Variants in CDKAL1 observed in about 807,000 individuals in gnomAD.
The protein encoded by CDKAL1 is CDKAL1 threonylcarbamoyladenosine tRNA methylthiotransferase.
In CDKAL1, 32 loss-of-function variants were observed where a neutral mutation model predicts 68.2. The observed-to-expected ratio is 0.47, with a 90% confidence interval of 0.35 to 0.63. CDKAL1 has a LOEUF of 0.63. Ranked by LOEUF, CDKAL1 falls within the 30% of genes least tolerant of loss-of-function variation. The pLI is 0.00. For missense variants in CDKAL1, 606 were observed against 696.7 expected (o/e 0.87, Z 1.47); for synonymous variants, 234 against 244.3 (o/e 0.96, Z 0.39).
chr6:21,120,788 T>C (rs772063428), intron 13 of CDKAL1, among the ~76,000 whole-genome samples: 52 of 152,206 alleles, frequency 3.4e-4, no homozygotes, highest in Non-Finnish European at 7.1e-4. Flanking sequence ...CCTCATTCTT[T>C]TTTAAAAAAA....
chr6:21,201,009 G>A (rs2151109017), intron 14 of CDKAL1, 101 bp from the exon 15 acceptor site: 1 of 1,053,064 alleles, frequency 9.5e-7, no homozygotes, highest in Non-Finnish European at 1.4e-6. Context: ...GTATACAGGA[G>A]CTCTCCATAC....
At chr6:20,957,193 A>G (rs942708091) in intron 10 of CDKAL1, among the ~76,000 whole-genome samples, 5 of 152,100 alleles carry the variant, frequency 3.3e-5, no homozygotes, top group Non-Finnish European at 7.4e-5. Flanking sequence ...GGATTGGAAA[A>G]GATCTGATCA....
intron 13 of CDKAL1, among the ~76,000 whole-genome samples, chr6:21,158,218 T>A (rs1323245931): frequency 6.6e-6 from 1 of 152,210 alleles, no homozygotes; most frequent in Non-Finnish European, 1.5e-5. Flanking sequence ...GGAGGTTTCT[T>A]TTTTCTGCTT....
intron 4 of CDKAL1, among the ~76,000 whole-genome samples, chr6:20,613,359 C>A (rs1429663663): frequency 7.4e-6 from 1 of 135,778 alleles, no homozygotes; most frequent in African/African-American, 2.7e-5. Flanking sequence ...ACTGCAACCT[C>A]CGCCTTCCAG....
intron 13 of CDKAL1, among the ~76,000 whole-genome samples, chr6:21,150,676 A>G (rs1776375073): frequency 6.6e-6 from 1 of 152,350 alleles, no homozygotes; most frequent in South Asian, 2.1e-4. Flanking sequence ...ATGGCTTCAT[A>G]TAATTCCCAT....
chr6:21,205,418 A>G (rs1007220668), intron 15 of CDKAL1, among the ~76,000 whole-genome samples: 7 of 152,202 alleles, frequency 4.6e-5, no homozygotes, highest in Non-Finnish European at 8.8e-5. Context: ...ATTTCCACCA[A>G]TAGTGCACAA....
At chr6:20,896,027 A>G (rs935181715) in intron 9 of CDKAL1, among the ~76,000 whole-genome samples, 1 of 152,120 alleles carries the variant, frequency 6.6e-6, no homozygotes, top group Non-Finnish European at 1.5e-5. Flanking sequence ...CTGAAAGGGA[A>G]CACTGACAGA....
chr6:21,179,134 T>G (rs1777695044), intron 13 of CDKAL1, among the ~76,000 whole-genome samples: 2 of 152,264 alleles, frequency 1.3e-5, no homozygotes, highest in Admixed American at 1.3e-4. Flanking sequence ...GCTTTTATGC[T>G]GTCACCTCTT....
intron 4 of CDKAL1, among the ~76,000 whole-genome samples, chr6:20,616,316 A>G (rs1313153934): frequency 6.7e-6 from 1 of 150,082 alleles, no homozygotes; most frequent in Non-Finnish European, 1.5e-5. Flanking sequence ...AATTCTGTGA[A>G]GAAAGTCACT....
chr6:20,857,742 T>C (rs977288048), intron 9 of CDKAL1, among the ~76,000 whole-genome samples: 2 of 152,162 alleles, frequency 1.3e-5, no homozygotes, highest in East Asian at 3.8e-4. Flanking sequence ...GTAAAGAGGA[T>C]TGGGGAAGAA....
At chr6:20,638,366 T>C (rs1278457724) in intron 4 of CDKAL1, among the ~76,000 whole-genome samples, 1 of 152,206 alleles carries the variant, frequency 6.6e-6, no homozygotes, top group African/African-American at 2.4e-5. Flanking sequence ...TCAGTTCATA[T>C]TTGTTGCCCG....
intron 12 of CDKAL1, among the ~76,000 whole-genome samples, chr6:21,079,030 G>C (rs1315986623): frequency 6.6e-6 from 1 of 152,134 alleles, no homozygotes; most frequent in African/African-American, 2.4e-5. Context: ...TGTGAGAAGT[G>C]GGGGGTGCCT....
intron 9 of CDKAL1, among the ~76,000 whole-genome samples, chr6:20,883,981 C>A (rs1407733626): frequency 2.0e-5 from 3 of 152,062 alleles, no homozygotes; most frequent in African/African-American, 7.2e-5. Flanking sequence ...CTAACTCATT[C>A]TCTGAGGTCA....
At chr6:20,973,230 T>C (rs1765678713) in intron 10 of CDKAL1, among the ~76,000 whole-genome samples, 1 of 152,212 alleles carries the variant, frequency 6.6e-6, no homozygotes, top group Non-Finnish European at 1.5e-5. Context: ...ATAATTATTA[T>C]CATTGTTACT....
At chr6:20,608,766 A>G (rs1179869773) in intron 4 of CDKAL1, among the ~76,000 whole-genome samples, 1 of 152,110 alleles carries the variant, frequency 6.6e-6, no homozygotes. Context: ...ATCTTTCTCT[A>G]CTCTTAGCAA....
chr6:21,019,510 C>T (rs980542271), intron 11 of CDKAL1, among the ~76,000 whole-genome samples: 3 of 152,028 alleles, frequency 2.0e-5, no homozygotes, highest in Non-Finnish European at 2.9e-5. Context: ...TTTTGTCTTG[C>T]ATTAAAAAAT....
intron 4 of CDKAL1, among the ~76,000 whole-genome samples, chr6:20,564,894 A>G (rs1236011538): frequency 6.6e-6 from 1 of 152,200 alleles, no homozygotes; most frequent in Non-Finnish European, 1.5e-5. Context: ...CAGTTGTGTG[A>G]TGAGAGGAGA....
At chr6:20,802,982 T>G (rs1200329896) in intron 8 of CDKAL1, among the ~76,000 whole-genome samples, 1 of 152,172 alleles carries the variant, frequency 6.6e-6, no homozygotes, top group Non-Finnish European at 1.5e-5. Context: ...TCAGGATTAT[T>G]TGGGGACAGT....
intron 6 of CDKAL1, among the ~76,000 whole-genome samples, chr6:20,741,042 C>A (rs1347373031): frequency 6.6e-6 from 1 of 151,922 alleles, no homozygotes; most frequent in African/African-American, 2.4e-5. Context: ...AGCAGAATTT[C>A]TCTAGTATGG....
Sources: allele counts gnomAD v4.1 joint callset (sites outside exome capture counted in the v4.1 genomes callset), GRCh38; gene constraint gnomAD v4.1.1; transcripts MANE v1.5; gene names NCBI Gene and HGNC (gene_info 2026-07-23, HGNC 2026-07-21).